The following VPS8 variants were observed in gnomAD, a reference collection of about 807,000 sequenced individuals.
VPS8 encodes vacuolar protein sorting-associated protein 8 homolog.
Under a neutral mutation model 216.4 loss-of-function variants are expected in VPS8, and 129 were observed. That is an observed-to-expected ratio of 0.60 (90% CI 0.52 to 0.69). The LOEUF is 0.69. Ranked by LOEUF, VPS8 falls within the 30% of genes least tolerant of loss-of-function variation. The probability of loss-of-function intolerance (pLI) is 0.00; values close to 1 mark genes in which losing one functional copy is unlikely to be tolerated. For synonymous variants in VPS8, 571 were observed against 565.4 expected (o/e 1.01, Z -0.14); for missense variants, 1,531 against 1,683.5 (o/e 0.91, Z 1.59).
At chr3:184,943,899 C>T (rs1474651238) in intron 36 of VPS8, among the ~76,000 whole-genome samples, 3 of 152,280 alleles carry the variant, frequency 2.0e-5, no homozygotes, top group Middle Eastern at 3.4e-3. Flanking sequence ...GTCAGGAGTT[C>T]GAGACCAACC....
chr3:184,917,451 C>T (rs564166088), intron 28 of VPS8, among the ~76,000 whole-genome samples: 44 of 152,160 alleles, frequency 2.9e-4, no homozygotes, highest in Non-Finnish European at 5.0e-4. Flanking sequence ...ATTTTTGAGA[C>T]GGAGCTTTGC....
At chr3:185,048,051 A>T (rs546821623) in intron 46 of VPS8, among the ~76,000 whole-genome samples, 4 of 152,338 alleles carry the variant, frequency 2.6e-5, no homozygotes, top group Admixed American at 2.0e-4. Context: ...TTATAATGAG[A>T]CAGGGATGAG....
At chr3:185,017,480 C>T (rs533519560) in intron 45 of VPS8, among the ~76,000 whole-genome samples, 9 of 152,256 alleles carry the variant, frequency 5.9e-5, no homozygotes, top group Non-Finnish European at 8.8e-5. Context: ...TTTCCACATA[C>T]GGCACAATCA....
Position 184,922,032 on chromosome 3 carries a change from AC to A in VPS8, c.2454+1838del, listed in dbSNP as rs768265453. Among the ~76,000 whole-genome samples, 213 of 152,034 alleles carry A rather than the reference AC, an allele frequency of 1.4e-3. 1 individual carries two copies. The highest frequency in any genetic ancestry group is 1.4e-3 in the Non-Finnish European group (97 of 67,982). On this transcript the variant is annotated intron_variant, in intron 29 of 47. Coordinates refer to ENST00000625842, the MANE Select transcript of VPS8 (RefSeq NM_001009921.3). ...CTTCTGTCATCCATCTCGTCATCCT[AC>A]CCCACACACCTTGTATTAGGACCCT...
At chr3:184,962,530 A>T (rs1013223891) in intron 37 of VPS8, among the ~76,000 whole-genome samples, 2 of 152,078 alleles carry the variant, frequency 1.3e-5, no homozygotes, top group Admixed American at 6.6e-5. Flanking sequence ...TTATTTATTC[A>T]TGTCATTTGC....
Position 184,852,503 on chromosome 3 carries a change from A to T in VPS8, c.757A>T (p.Thr253Ser), listed in dbSNP as rs756731589. ...AATAAATTCCTTCTCTGTTTAGTTT[A>T]CAGATGATCCAACTCTTGCAATTTG... Reference protein sequence around the residue: ...PGTAILHIKFTDDPTLAICND... With the variant: ...PGTAILHIKFSDDPTLAICND... The change falls in exon 11 of 48, where the codon ACA becomes TCA. Residue 253 changes from threonine to serine, a missense_variant. By Grantham distance (58) the Thr-to-Ser change is moderately conservative. Transcript: ENST00000625842. 21 of 1,613,150 alleles carry T rather than the reference A, an allele frequency of 1.3e-5. No individual in the cohort carries two copies. In the East Asian group the frequency reaches 4.2e-4, roughly 33 times the overall value.
intron 5 of VPS8, among the ~76,000 whole-genome samples, chr3:184,836,000 C>T (rs1331176888): frequency 1.3e-5 from 2 of 152,100 alleles, no homozygotes; most frequent in East Asian, 1.9e-4. Context: ...TGAGCCACCT[C>T]GTCCAGCCAA....
chr3:184,996,495 T>G lies in VPS8; in HGVS notation c.3830T>G (p.Val1277Gly), dbSNP rs371743398. The G allele has an allele frequency of 3.1e-5, 50 of 1,602,872 alleles. No individual in the cohort carries two copies. Among genetic ancestry groups the G allele is most frequent in the Non-Finnish European group, 4.3e-5 (50 of 1,174,842 alleles). Residue 1277 changes from valine to glycine, a missense_variant, in exon 44 of 48, where the codon GTC (valine) becomes GGC (glycine). Around this residue, in one of 3 missense-constraint regions of VPS8, gnomAD observed 1,318 missense variants for 1,468.4 expected, o/e 0.90. Coordinates refer to ENST00000625842, the MANE Select transcript of VPS8 (RefSeq NM_001009921.3). The stretch of plus-strand genomic sequence containing the variant: ...CAAGAAATGGCTGATGAAATAATTG[T>G]CTTTAGGTAAGAAAGGGAAGGAAAT... ...RRQEMADEII[V>G]FSCGHLYHSF...
At chr3:184,898,880 C>T (rs1038010787) in intron 24 of VPS8, among the ~76,000 whole-genome samples, 2 of 151,964 alleles carry the variant, frequency 1.3e-5, no homozygotes, top group Non-Finnish European at 2.9e-5. Context: ...ATTTAAATAC[C>T]AGGGAACAAT....
In VPS8 at chr3:184,924,852, T is replaced by C; in HGVS notation, c.2455-10T>C. On this transcript the variant is annotated splice_polypyrimidine_tract_variant and intron_variant, in intron 29 of 47. Transcript: ENST00000625842. ...GGTGTATTGAATAAATGGTCTCCTT[T>C]GCTCTTCAGGTTATGGTGGAGAATT... 1 of 1,610,930 alleles carries C rather than the reference T, an allele frequency of 6.2e-7. No individual in the cohort carries two copies.
chr3:184,855,714 G>A lies in VPS8; in HGVS notation c.1039G>A (p.Asp347Asn), dbSNP rs754358248. 1.2e-6 allele frequency: 2 copies of A among 1,610,964 alleles called. No homozygotes were observed. Among genetic ancestry groups the A allele is most frequent in the Non-Finnish European group, 1.7e-6 (2 of 1,178,830 alleles). The change falls in exon 14 of 48, where the codon GAT (aspartate) becomes AAT (asparagine). Residue 347 changes from aspartate to asparagine, a missense_variant. By Grantham distance (23) the Asp-to-Asn change is conservative. Transcript: ENST00000625842. ...TTTTTTCCATCTCCCTACTTAGATG[G>A]ATCCTTCCAGTGTGCCACTGCTGGC... Reference protein sequence around the residue: ...VWMTFPYGRMDPSSVPLLAWH... With the variant: ...VWMTFPYGRMNPSSVPLLAWH...
At chr3:184,895,017 C>G in intron 23 of VPS8, 92 bp downstream of exon 23, 1 of 1,033,938 alleles carries the variant, frequency 9.7e-7, no homozygotes, top group Admixed American at 2.8e-5. Context: ...ACCCTGCCTT[C>G]TAAGAACCGT....
At chr3:184,991,268 T>C (rs964374906) in intron 42 of VPS8, among the ~76,000 whole-genome samples, 19 of 152,336 alleles carry the variant, frequency 1.2e-4, no homozygotes, top group Admixed American at 3.3e-4. Context: ...TACCCAAGTA[T>C]GCTCTTCCTT....
At chr3:184,867,087 T>C in intron 17 of VPS8, 137 bp downstream of exon 17, 1 of 681,910 alleles carries the variant, frequency 1.5e-6, no homozygotes, top group Non-Finnish European at 2.3e-6. Flanking sequence ...TGTGGTTAGG[T>C]AGGCATGATT....
intron 40 of VPS8, among the ~76,000 whole-genome samples, chr3:184,980,421 C>G (rs1750008899): frequency 6.6e-6 from 1 of 152,192 alleles, no homozygotes; most frequent in Admixed American, 6.5e-5. Flanking sequence ...TCCTCTCTCC[C>G]TCTCTTTCAG....
chr3:184,859,296 C>A (rs1725851040), intron 14 of VPS8, among the ~76,000 whole-genome samples: 1 of 152,182 alleles, frequency 6.6e-6, no homozygotes, highest in Admixed American at 6.5e-5. Flanking sequence ...TTCCCATAAA[C>A]TTTTATTAAG....
chr3:184,848,969 T>G, intron 8 of VPS8, 102 bp from the exon 9 acceptor site: 1 of 1,300,312 alleles, frequency 7.7e-7, no homozygotes, highest in South Asian at 1.3e-5. Flanking sequence ...ATCTGCTGCT[T>G]TTGATTCTTG....
At chr3:184,846,720 T>C (rs1723209132) in intron 8 of VPS8, among the ~76,000 whole-genome samples, 1 of 152,234 alleles carries the variant, frequency 6.6e-6, no homozygotes, top group African/African-American at 2.4e-5. Flanking sequence ...AGCTCTATCT[T>C]TGTCCTCTTA....
At chr3:184,968,289 G>A (rs1747754277) in intron 39 of VPS8, among the ~76,000 whole-genome samples, 1 of 152,034 alleles carries the variant, frequency 6.6e-6, no homozygotes, top group African/African-American at 2.4e-5. Context: ...ATCCTTCAAT[G>A]GACACTTGGG....
Sources: gnomAD v4.1 joint callset for allele counts (sites outside exome capture counted in the v4.1 genomes callset) on GRCh38, gnomAD v4.1.1 for gene constraint, gnomAD v4.1.1 regional missense constraint, MANE v1.5 for transcripts, NCBI Gene and HGNC (gene_info 2026-07-23, HGNC 2026-07-21) for gene names.